Variants in ZNF254 observed in about 807,000 individuals in gnomAD.
The protein encoded by ZNF254 is zinc finger protein 254.
Under a neutral mutation model 12.4 loss-of-function variants are expected in ZNF254, and 10 were observed. The ratio of observed to expected loss-of-function variants is 0.80; its 90% CI spans 0.50 to 1.36. The LOEUF is 1.36. Among genes scored for constraint, ZNF254 ranks in the 40% most tolerant of loss-of-function variants. The probability of loss-of-function intolerance (pLI) is 0.00; values close to 1 mark genes in which losing one functional copy is unlikely to be tolerated. For synonymous variants in ZNF254, 305 were observed against 253.4 expected (o/e 1.20, Z -1.93); for missense variants, 996 against 763.9 (o/e 1.30, Z -3.58).
chr19:24,036,973 T>G (rs760536537), intron 1 of ZNF254, among the ~76,000 whole-genome samples: 29 of 152,182 alleles, frequency 1.9e-4, no homozygotes, highest in Non-Finnish European at 3.5e-4. Flanking sequence ...CACAAGTGCC[T>G]AGAGGACTCC....
At chr19:24,057,798 TCA>T (rs1374239963) in intron 2 of ZNF254, among the ~76,000 whole-genome samples, 2 of 152,264 alleles carry the variant, frequency 1.3e-5, no homozygotes, top group Non-Finnish European at 2.9e-5. Context: ...ATTGTGTCTC[TCA>T]TTCAATGATT....
chr19:24,088,141 C>G (rs1972145499), intron 1 of ZNF254, among the ~76,000 whole-genome samples: 1 of 151,994 alleles, frequency 6.6e-6, no homozygotes, highest in African/African-American at 2.4e-5. Context: ...CTCCTGACCT[C>G]AGGTGATCCA....
Position 24,127,949 on chromosome 19 carries a change from T to G in ZNF254, c.1949T>G (p.Ile650Arg), listed in dbSNP as rs1975018722. The G allele has an allele frequency of 6.3e-7, 1 of 1,575,308 alleles. No homozygotes were observed. Among genetic ancestry groups the G allele is most frequent in the Non-Finnish European group, 8.6e-7 (1 of 1,165,594 alleles). ...TCCTCGCACCTCACCACAGATAAGA[T>G]AACTCATTGGAGAGAAATCTTACAA... ...NRSSHLTTDK[I>R]THWREILQV Residue 650 changes from isoleucine (I) to arginine (R), a missense_variant, in exon 4 of 4, where the codon ATA (isoleucine) becomes AGA (arginine). Physicochemically the swap from Ile to Arg is moderately conservative, Grantham distance 97. Coordinates refer to ENST00000357002, the MANE Select transcript of ZNF254 (RefSeq NM_203282.4).
At chr19:24,049,206 ATATATATATT>A (rs1248015217) in intron 2 of ZNF254, among the ~76,000 whole-genome samples, 60 of 53,826 alleles carry the variant, frequency 1.1e-3, no homozygotes, top group Admixed American at 2.4e-3. Flanking sequence ...ATATATATAT[ATATATATATT>A]TTTTTTTTTT....
chr19:24,059,816 C>G (rs1294253924), intron 2 of ZNF254, among the ~76,000 whole-genome samples: 1 of 152,088 alleles, frequency 6.6e-6, no homozygotes, highest in East Asian at 1.9e-4. Context: ...ATGTAACTTG[C>G]CTTTATTGCC....
intron 1 of ZNF254, among the ~76,000 whole-genome samples, chr19:24,040,831 A>C (rs1023018268): frequency 3.3e-5 from 5 of 152,226 alleles, no homozygotes; most frequent in African/African-American, 1.2e-4. Context: ...TGAGACAGTG[A>C]CTTGTGGTCT....
chr19:24,126,754 A>G lies in ZNF254; in HGVS notation c.754A>G (p.Thr252Ala). ...TAACAAATCTCCTAAGCAACTCTCAACCCTTACTACACATGAAATAATTCA... is the reference window on the plus strand; with the variant it reads ...TAACAAATCTCCTAAGCAACTCTCAGCCCTTACTACACATGAAATAATTCA... Reference protein sequence around the residue: ...EYNKSPKQLSTLTTHEIIHAG... With the variant: ...EYNKSPKQLSALTTHEIIHAG... Residue 252 changes from threonine to alanine, a missense_variant, in exon 4 of 4, where the codon ACC (threonine) becomes GCC (alanine). Transcript: ENST00000357002. 1.9e-6 allele frequency: 3 copies of G among 1,613,394 alleles called. No individual in the cohort carries two copies. In the South Asian group the frequency reaches 3.3e-5, roughly 18 times the overall value.
chr19:24,102,203 T>C (rs1039576965), intron 1 of ZNF254, among the ~76,000 whole-genome samples: 1 of 151,056 alleles, frequency 6.6e-6, no homozygotes, highest in African/African-American at 2.4e-5. Flanking sequence ...TGTCTATACC[T>C]GAACATATAT....
At chr19:24,062,097 A>AAAAAAAAG (rs1445421716) in intron 2 of ZNF254, among the ~76,000 whole-genome samples, 138 of 134,842 alleles carry the variant, frequency 1.0e-3, no homozygotes, top group African/African-American at 4.1e-3. Context: ...CAAAAAAAAA[A>AAAAAAAAG]AAAAAGAAAA....
chr19:24,091,585 C>A (rs1286931139), intron 1 of ZNF254, among the ~76,000 whole-genome samples: 1 of 152,098 alleles, frequency 6.6e-6, no homozygotes, highest in African/African-American at 2.4e-5. Context: ...CTCCAATTCC[C>A]AGGTTCAAGT....
At position 24,035,442 on chromosome 19, in the gene ZNF254, C is replaced by T. The variant is rs150738722; in HGVS notation, c.-190+1821C>T. On this transcript the variant is annotated intron_variant, in intron 1 of 4. Coordinates refer to the ZNF254 transcript ENST00000613065. ...CCTCCCAAAGTGCTGGGATTATAGG[C>T]ATGAGCCACCACACCCGGCCAAGTC... Among the ~76,000 whole-genome samples, 1,034 of 152,258 alleles carry T rather than the reference C, an allele frequency of 6.8e-3. 13 individuals are homozygous for T. The highest frequency in any genetic ancestry group is 0.023 in the African/African-American group (939 of 41,544).
chr19:24,058,099 G>A (rs1970929258), intron 2 of ZNF254, among the ~76,000 whole-genome samples: 1 of 152,102 alleles, frequency 6.6e-6, no homozygotes, highest in South Asian at 2.1e-4. Context: ...TCAGAGCCTT[G>A]CACCCAGGTA....
At chr19:24,057,159 G>A (rs960879189) in intron 2 of ZNF254, among the ~76,000 whole-genome samples, 16 of 152,098 alleles carry the variant, frequency 1.1e-4, no homozygotes, top group African/African-American at 2.7e-4. Context: ...GTGTCATAAC[G>A]GCTCTAGAAA....
chr19:24,038,688 C>T (rs1191595506), intron 1 of ZNF254, among the ~76,000 whole-genome samples: 1 of 152,178 alleles, frequency 6.6e-6, no homozygotes, highest in Non-Finnish European at 1.5e-5. Context: ...ATTCACAACA[C>T]ACAATTGTGC....
rs765150330 is a variant in ZNF254 at position 24,127,334 on chromosome 19, G to C, written c.1334G>C (p.Trp445Ser). The change falls in exon 4 of 4, where the codon TGG (tryptophan) becomes TCG (serine). Residue 445 changes from tryptophan to serine, a missense_variant. Transcript: ENST00000357002. ...KCEECGKAFI[W>S]SSTLTKHKRI... ...GAAGAATGTGGCAAAGCATTTATCT[G>C]GTCCTCAACCCTTACTAAACATAAG... is the stretch of plus-strand genomic sequence containing the variant. 44 of 1,612,498 alleles carry C rather than the reference G, an allele frequency of 2.7e-5. No individual in the cohort carries two copies. Among genetic ancestry groups the C allele is most frequent in the Non-Finnish European group, 3.7e-5 (44 of 1,179,594 alleles).
intron 1 of ZNF254, among the ~76,000 whole-genome samples, chr19:24,044,826 T>G (rs1303750945): frequency 1.3e-5 from 2 of 152,162 alleles, no homozygotes; most frequent in Non-Finnish European, 2.9e-5. Flanking sequence ...GTTATTTATT[T>G]TTATTAGAGA....
chr19:24,035,471 CT>C (rs1251049435), intron 1 of ZNF254, among the ~76,000 whole-genome samples: 1 of 152,158 alleles, frequency 6.6e-6, no homozygotes, highest in Non-Finnish European at 1.5e-5. Flanking sequence ...CCAAGTCAGC[CT>C]GTTTTTGAGG....
chr19:24,127,956 T>C lies in ZNF254; in HGVS notation c.1956T>C (p.His652=). Residue 652 remains histidine (H), a synonymous_variant, in exon 4 of 4, where the codon CAT becomes CAC. Transcript: ENST00000357002. ...ACCTCACCACAGATAAGATAACTCA[T>C]TGGAGAGAAATCTTACAAGTATGAA... ...SSHLTTDKIT[H]WREILQV is the part of the protein sequence containing the mutation. The C allele has an allele frequency of 1.3e-6, 2 of 1,564,754 alleles. No individual in the cohort carries two copies. Among genetic ancestry groups the C allele is most frequent in the South Asian group, 1.2e-5 (1 of 81,856 alleles).
upstream of ZNF254, among the ~76,000 whole-genome samples, chr19:24,085,408 G>A (rs575396759): frequency 6.4e-4 from 21 of 32,704 alleles, 1 homozygote; most frequent in South Asian, 1.4e-3. Flanking sequence ...TTTGTTAAGG[G>A]TATATATATA....
Sources: gnomAD v4.1 joint callset for allele counts (sites outside exome capture counted in the v4.1 genomes callset) on GRCh38, gnomAD v4.1.1 for gene constraint, MANE v1.5 for transcripts, NCBI Gene and HGNC (gene_info 2026-07-23, HGNC 2026-07-21) for gene names.